Variants in ACSL1 observed in about 807,000 individuals in gnomAD.
ACSL1 encodes acyl-CoA synthetase long chain family member 1.
Under a neutral mutation model 98.4 loss-of-function variants are expected in ACSL1, and 41 were observed. The observed-to-expected ratio is 0.42, with a 90% CI of 0.32 to 0.54. The LOEUF (loss-of-function observed/expected upper bound fraction) is 0.54. Ranked by LOEUF, ACSL1 falls within the 20% of genes least tolerant of loss-of-function variation. ACSL1 has a pLI of 0.13. For missense variants in ACSL1, 734 were observed against 883.1 expected, an observed-to-expected ratio of 0.83 and a Z score of 2.14; for synonymous variants, 316 against 322.7, an observed-to-expected ratio of 0.98 and a Z score of 0.22.
Position 184,776,966 on chromosome 4 carries a change from T to C in ACSL1, c.495A>G (p.Gln165=). The change falls in exon 6 of 21, where the codon CAA becomes CAG. Residue 165 remains glutamine (Q), a synonymous_variant. Coordinates refer to ENST00000281455, the MANE Select transcript of ACSL1 (RefSeq NM_001995.5). The part of the protein sequence containing the change: ...QNRPEWVIIE[Q]GCFAYSMVIV... ...TCACCATCGAATAAGCAAAGCATCC[T>C]TGTTCAATAATCACCCACTAAACAA... The C allele has an allele frequency of 6.2e-7, 1 of 1,614,134 alleles. No individual in the cohort carries two copies. Among genetic ancestry groups the C allele is most frequent in the Non-Finnish European group, 8.5e-7 (1 of 1,180,008 alleles).
At position 184,760,342 on chromosome 4, in the gene ACSL1, C is replaced by A. The variant is rs1177471880; in HGVS notation, c.1782+15G>T. The stretch of plus-strand genomic sequence containing the variant: ...ATGTGTATGCAGCAAGATTCAAGAC[C>A]CAGAAAGCACATACCTGCAGGCTTT... On this transcript the variant is annotated intron_variant, in intron 18 of 20. Coordinates refer to ENST00000281455, the MANE Select transcript of ACSL1 (RefSeq NM_001995.5). The A allele has an allele frequency of 6.2e-7, 1 of 1,613,484 alleles. No individual in the cohort carries two copies. Among genetic ancestry groups the A allele is most frequent in the Non-Finnish European group, 8.5e-7 (1 of 1,179,628 alleles).
In ACSL1 at chr4:184,794,245, G is replaced by A. The variant is rs558448499; in HGVS notation, c.196-5514C>T. On this transcript the variant is annotated intron_variant, in intron 2 of 20. Transcript: ENST00000281455. ...TTCCATCCAGTGACCTTTCAGAGAG[G>A]AACTCTGGCCATCAATTCTCATATC... 3.9e-5 allele frequency among the ~76,000 whole-genome samples: 6 copies of A among 152,316 alleles called. No homozygotes were observed. The South Asian group carries it at 1.2e-3, about 32-fold the overall frequency.
At chr4:184,792,252 T>C (rs1300415907) in intron 2 of ACSL1, among the ~76,000 whole-genome samples, 1 of 152,188 alleles carries the variant, frequency 6.6e-6, no homozygotes, top group African/African-American at 2.4e-5. Context: ...ATGAGACATC[T>C]GTCAAAAGGA....
At chr4:184,800,805 C>A (rs930449489) in intron 2 of ACSL1, among the ~76,000 whole-genome samples, 1 of 152,178 alleles carries the variant, frequency 6.6e-6, no homozygotes, top group Non-Finnish European at 1.5e-5. Flanking sequence ...TAATTTAGGT[C>A]TTCATTAGAG....
rs1049404749 is a variant in ACSL1 at position 184,766,935 on chromosome 4, C to T, written c.1129-179G>A. Among the ~76,000 whole-genome samples, 1 of 152,178 alleles carries T rather than the reference C, an allele frequency of 6.6e-6. No homozygotes were observed. Among genetic ancestry groups the T allele is most frequent in the African/African-American group, 2.4e-5 (1 of 41,444 alleles). On this transcript the variant is annotated intron_variant, in intron 12 of 20. Transcript: ENST00000281455. This position sits in a 1 kb window ranked among gnomAD's most constrained non-coding sequence, Gnocchi z 4.8. ...TCAGCACAGGACAGCAATTCCACAC[C>T]TCGGTATACACCCAGGAGCAATGGA... is the stretch of plus-strand genomic sequence containing the variant.
At chr4:184,810,311 C>G (rs554091664) in intron 1 of ACSL1, among the ~76,000 whole-genome samples, 2 of 152,332 alleles carry the variant, frequency 1.3e-5, no homozygotes, top group African/African-American at 2.4e-5. Context: ...GGTGCCCTCT[C>G]TCCCCGAGGC....
chr4:184,776,261 G>A (rs1364248964), intron 7 of ACSL1, among the ~76,000 whole-genome samples: 1 of 152,240 alleles, frequency 6.6e-6, no homozygotes, highest in African/African-American at 2.4e-5. Context: ...ATATTGGAGT[G>A]CTGAAAGCAC....
intron 1 of ACSL1, among the ~76,000 whole-genome samples, chr4:184,816,912 C>A (rs1772686328): frequency 6.6e-6 from 1 of 152,098 alleles, no homozygotes. Context: ...CTTGAAGCAT[C>A]CAACTCAGCA....
rs180780946 is a variant in ACSL1, at chr4:184,760,024, G to T, written c.1782+333C>A. On this transcript the variant is annotated intron_variant, in intron 18 of 20. Coordinates refer to ENST00000281455, the MANE Select transcript of ACSL1 (RefSeq NM_001995.5). Reference sequence around the variant, plus strand: ...GCTGGGTTTAATATGTTTGAAAATTGTAAACTTTCTTATAACCCATGTCAA... The same window carrying T: ...GCTGGGTTTAATATGTTTGAAAATTTTAAACTTTCTTATAACCCATGTCAA... Among the ~76,000 whole-genome samples the T allele has an allele frequency of 3.3e-5, 5 of 152,242 alleles. No individual in the cohort carries two copies. In the East Asian group the frequency reaches 9.7e-4, roughly 29 times the overall value.
In ACSL1 at chr4:184,770,718, T is replaced by TA. The variant is rs1051895759; in HGVS notation, c.916-243dup. 2.3e-3 allele frequency among the ~76,000 whole-genome samples: 343 copies of TA among 148,052 alleles called. 2 individuals carry two copies. Among genetic ancestry groups the TA allele is most frequent in the African/African-American group, 7.5e-3 (305 of 40,416 alleles). On this transcript the variant is annotated intron_variant, in intron 10 of 20. Coordinates refer to ENST00000281455, the MANE Select transcript of ACSL1 (RefSeq NM_001995.5). The stretch of plus-strand genomic sequence containing the variant: ...ACTTAAAGTATAATAATAATAAAAT[T>TA]AAAAAAAAAAGACTCCGAGTAAACT...
Position 184,773,251 on chromosome 4 carries a change from G to A in ACSL1, c.842-97C>T. ...AATTAGGGCTTCAGACACCTCTACTGTTAGATATATCGTGAAAACCAAATG... is the reference window on the plus strand; with the variant it reads ...AATTAGGGCTTCAGACACCTCTACTATTAGATATATCGTGAAAACCAAATG... On this transcript the variant is annotated intron_variant, in intron 9 of 20. Transcript: ENST00000281455. This position sits in a 1 kb window ranked among gnomAD's most constrained non-coding sequence, Gnocchi z 4.3. 2 of 1,083,066 alleles carry A rather than the reference G, an allele frequency of 1.8e-6. No individual in the cohort carries two copies. 67.1% of individuals were successfully genotyped at this position (1,083,066 alleles called of 1,614,324 possible).
chr4:184,787,069 C>T (rs890414568), intron 3 of ACSL1, among the ~76,000 whole-genome samples: 5 of 152,068 alleles, frequency 3.3e-5, no homozygotes, highest in Non-Finnish European at 7.4e-5. Context: ...GGTTCCTGAC[C>T]GTAAAAAGAT....
intron 11 of ACSL1, among the ~76,000 whole-genome samples, chr4:184,769,129 A>G (rs527772761): frequency 8.4e-4 from 127 of 151,682 alleles, no homozygotes; most frequent in African/African-American, 2.7e-3. Context: ...ATTTATTCTC[A>G]AAATAAAAAC....
chr4:184,800,490 G>C (rs1770305651), intron 2 of ACSL1, among the ~76,000 whole-genome samples: 1 of 152,234 alleles, frequency 6.6e-6, no homozygotes, highest in African/African-American at 2.4e-5. Flanking sequence ...CATGTAGCCA[G>C]GCTAAACCGG....
intron 7 of ACSL1, 127 bp downstream of exon 7, chr4:184,776,357 T>C (rs1765282125): frequency 1.0e-6 from 1 of 961,772 alleles, no homozygotes. Flanking sequence ...CTCTCTTTCA[T>C]GGGTTGCGGA....
At chr4:184,789,162 A>G (rs1767920528) in intron 2 of ACSL1, among the ~76,000 whole-genome samples, 1 of 152,228 alleles carries the variant, frequency 6.6e-6, no homozygotes, top group Non-Finnish European at 1.5e-5. Context: ...ATGTAAACCA[A>G]TCATTCGCCT....
intron 4 of ACSL1, among the ~76,000 whole-genome samples, chr4:184,781,986 A>G (rs1766352625): frequency 6.6e-6 from 1 of 152,188 alleles, no homozygotes; most frequent in Non-Finnish European, 1.5e-5. Context: ...CCCATAGGAA[A>G]TAAGACCATA....
At chr4:184,778,125 C>T (rs1579876035) in intron 5 of ACSL1, among the ~76,000 whole-genome samples, 2 of 152,388 alleles carry the variant, frequency 1.3e-5, no homozygotes, top group South Asian at 4.1e-4. Flanking sequence ...TCTGAAGGCA[C>T]TGGCCACATA....
At position 184,803,558 on chromosome 4, in the gene ACSL1, G is replaced by C. The variant is rs371981708; in HGVS notation, c.-32-12C>G. On this transcript the variant is annotated splice_polypyrimidine_tract_variant and intron_variant, in intron 1 of 20. Coordinates refer to ENST00000281455, the MANE Select transcript of ACSL1 (RefSeq NM_001995.5). The surrounding 1 kb of genome is among the most constrained non-coding windows in gnomAD (Gnocchi z 4.8). ...CTCTAAGCTGAATTCTGTTGGGAGAGAAAAATGTCACGTTCGTTCCAGGGA... is the reference window on the plus strand; with the variant it reads ...CTCTAAGCTGAATTCTGTTGGGAGACAAAAATGTCACGTTCGTTCCAGGGA... 4 of 1,414,962 alleles carry C rather than the reference G, an allele frequency of 2.8e-6. No individual in the cohort carries two copies. The highest frequency in any genetic ancestry group is 3.7e-6 in the Non-Finnish European group (4 of 1,074,594). The allele number at this position is 1,414,962 out of a possible 1,614,324, so 87.7% of individuals were successfully genotyped here.
Sources: allele counts gnomAD v4.1 joint callset (sites outside exome capture counted in the v4.1 genomes callset), GRCh38; gene constraint gnomAD v4.1.1; non-coding constraint Gnocchi (gnomAD v3.1); transcripts MANE v1.5; gene names NCBI Gene and HGNC (gene_info 2026-07-23, HGNC 2026-07-21).